SH2D3C: variants seen among roughly 807,000 people sequenced by gnomAD.
The protein encoded by SH2D3C is SH2 domain containing 3C.
SH2D3C carries 25 observed loss-of-function variants against 75.2 expected under a neutral mutation model. The observed-to-expected ratio is 0.33, with a 90% confidence interval of 0.24 to 0.46. The LOEUF (loss-of-function observed/expected upper bound fraction) is 0.46. Among genes scored for constraint, SH2D3C ranks in the 20% least tolerant of loss-of-function variants. SH2D3C has a pLI of 1.00. For missense variants in SH2D3C, 933 were observed against 1,165.3 expected (o/e 0.80, Z 2.90); for synonymous variants, 450 against 473.7 (o/e 0.95, Z 0.65).
At chr9:127,755,526 G>A (rs1046878053) in intron 3 of SH2D3C, among the ~76,000 whole-genome samples, 9 of 152,216 alleles carry the variant, frequency 5.9e-5, no homozygotes, top group African/African-American at 1.9e-4. Flanking sequence ...AGCGAGGGGA[G>A]GTTCTGCCTC....
intron 9 of SH2D3C, 80 bp from the exon 10 acceptor site, chr9:127,740,449 C>A: frequency 1.1e-6 from 1 of 913,032 alleles, no homozygotes. Flanking sequence ...AGTGGACACC[C>A]AGATGTGGGA....
chr9:127,743,079 A>G (rs1302692473), intron 7 of SH2D3C, 115 bp from the exon 8 acceptor site: 1 of 635,938 alleles, frequency 1.6e-6, no homozygotes, highest in Non-Finnish European at 2.7e-6. Flanking sequence ...GCGGGGTTTG[A>G]ATTCCAGCTC....
Position 127,747,170 on chromosome 9 carries a change from G to T in SH2D3C, c.1241C>A (p.Pro414His). 1 of 1,613,992 alleles carries T rather than the reference G, an allele frequency of 6.2e-7. No homozygotes were observed. Among genetic ancestry groups the T allele is most frequent in the Non-Finnish European group, 8.5e-7 (1 of 1,179,958 alleles). Reference sequence around the variant, plus strand: ...ACCAGTGCTGTAGGCAGGGGAGCTAGGGCTCTCGGAGATGGGCGACATGGG... The same window carrying T: ...ACCAGTGCTGTAGGCAGGGGAGCTATGGCTCTCGGAGATGGGCGACATGGG... ...HSPMSPISES[P>H]SSPAYSTVTR... is the part of the protein sequence containing the mutation. Residue 414 changes from proline to histidine, a missense_variant, in exon 6 of 12, where the codon CCT becomes CAT. Physicochemically the swap from Pro to His is moderately conservative, Grantham distance 77 (BLOSUM62 -2). Coordinates refer to ENST00000314830, the MANE Select transcript of SH2D3C (RefSeq NM_170600.3).
intron 9 of SH2D3C, 73 bp downstream of exon 9, chr9:127,741,715 C>T (rs1374043020): frequency 6.6e-7 from 1 of 1,525,748 alleles, no homozygotes; most frequent in Non-Finnish European, 8.8e-7. Context: ...ATTCCATATA[C>T]AGCCATCCCA....
intron 2 of SH2D3C, among the ~76,000 whole-genome samples, chr9:127,772,110 A>G (rs2131809428): frequency 6.6e-6 from 1 of 152,284 alleles, no homozygotes; most frequent in Non-Finnish European, 1.5e-5. Flanking sequence ...GGGTCTAGGC[A>G]ATTACAGCTC....
chr9:127,767,210 AT>A, intron 2 of SH2D3C: 2 of 1,525,426 alleles, frequency 1.3e-6, no homozygotes, highest in Non-Finnish European at 1.8e-6. Context: ...AGCAGGGGCC[AT>A]TCTTCCCAGA....
chr9:127,746,676 G>A (rs936074508), intron 6 of SH2D3C, among the ~76,000 whole-genome samples: 4 of 152,208 alleles, frequency 2.6e-5, no homozygotes, highest in African/African-American at 4.8e-5. Flanking sequence ...GGTGGCACAC[G>A]CCTGTAATCC....
chr9:127,743,198 C>A (rs748448796), intron 7 of SH2D3C, among the ~76,000 whole-genome samples: 18 of 152,286 alleles, frequency 1.2e-4, no homozygotes, highest in Non-Finnish European at 2.5e-4. Context: ...AGGTGCCTGG[C>A]AATTAAATAT....
intron 3 of SH2D3C, chr9:127,755,208 G>A (rs1304405178): frequency 1.7e-6 from 2 of 1,199,626 alleles, no homozygotes; most frequent in East Asian, 6.8e-5. Flanking sequence ...GGCGGTGGCC[G>A]GCGGGGCAGG....
At chr9:127,745,455 C>CTTT (rs1190107937) in intron 6 of SH2D3C, among the ~76,000 whole-genome samples, 24 of 109,554 alleles carry the variant, frequency 2.2e-4, no homozygotes, top group Non-Finnish European at 2.8e-4. Context: ...TAATGATTTC[C>CTTT]TTTTTTTTTT....
At chr9:127,768,704 AGCC>A (rs1845679440) in intron 2 of SH2D3C, among the ~76,000 whole-genome samples, 1 of 152,206 alleles carries the variant, frequency 6.6e-6, no homozygotes, top group African/African-American at 2.4e-5. Context: ...TCAGAGCCAA[AGCC>A]AGGTCCTTGC....
At chr9:127,743,457 C>T (rs1025939463) in intron 7 of SH2D3C, among the ~76,000 whole-genome samples, 1 of 152,160 alleles carries the variant, frequency 6.6e-6, no homozygotes, top group African/African-American at 2.4e-5. Flanking sequence ...GAGCCGATAT[C>T]ACGCCACTGC....
chr9:127,774,307 G>A lies in SH2D3C; in HGVS notation c.198C>T (p.Ala66=). ...TGTACATGTCACTGGAGCGGGCATA[G>A]GCTGGGGGACTCTTGGGCACCGTCA... The part of the protein sequence containing the change: ...DMVTVPKSPP[A]YARSSDMYSH... The change falls in exon 2 of 12, where the codon GCC becomes GCT. Residue 66 remains alanine, a synonymous_variant. Coordinates refer to ENST00000314830, the MANE Select transcript of SH2D3C (RefSeq NM_170600.3). This position sits in a 1 kb window ranked among gnomAD's most constrained non-coding sequence, Gnocchi z 4.3. 6.2e-7 allele frequency: 1 copy of A among 1,614,102 alleles called. No homozygotes were observed. The highest frequency in any genetic ancestry group is 8.5e-7 in the Non-Finnish European group (1 of 1,180,022).
At chr9:127,755,193 G>A (rs532397395) in intron 3 of SH2D3C, 387 of 1,201,174 alleles carry the variant, frequency 3.2e-4, no homozygotes, top group Admixed American at 4.8e-4. Flanking sequence ...GGGACGGTGT[G>A]GGGGGGCGGT....
In SH2D3C at chr9:127,763,077, C is replaced by G. The variant is rs577841896; in HGVS notation, c.516-1427G>C. Among the ~76,000 whole-genome samples, 214 of 152,336 alleles carry G rather than the reference C, an allele frequency of 1.4e-3. 2 individuals are homozygous for G. The highest frequency in any genetic ancestry group is 1.8e-3 in the Non-Finnish European group (120 of 68,038). On this transcript the variant is annotated intron_variant, in intron 2 of 11. Transcript: ENST00000314830. ...CCCCACCCTCCTTGGCAACTTGTTC[C>G]GGCCACAGGGCCTTCGCACTTGCTG...
intron 7 of SH2D3C, among the ~76,000 whole-genome samples, chr9:127,743,788 C>T (rs1204407606): frequency 6.6e-5 from 10 of 152,096 alleles, no homozygotes; most frequent in African/African-American, 2.4e-4. Context: ...GAACTGGGGT[C>T]TTTAGATGTT....
intron 2 of SH2D3C, chr9:127,767,375 G>A (rs990135390): frequency 2.9e-6 from 4 of 1,374,944 alleles, no homozygotes; most frequent in Middle Eastern, 2.7e-4. Flanking sequence ...ACTGAAGCTT[G>A]TAACTTGACC....
intron 2 of SH2D3C, among the ~76,000 whole-genome samples, chr9:127,769,674 G>T (rs1017189554): frequency 1.4e-5 from 2 of 145,976 alleles, no homozygotes; most frequent in South Asian, 4.3e-4. Context: ...AAAAAAAAAA[G>T]AAATAAAGAA....
chr9:127,772,895 G>A (rs1845759120), intron 2 of SH2D3C, among the ~76,000 whole-genome samples: 1 of 150,948 alleles, frequency 6.6e-6, no homozygotes, highest in South Asian at 2.1e-4. Flanking sequence ...GTACAGTGGT[G>A]TGATCTCAGC....
Sources: gnomAD v4.1 joint callset for allele counts (sites outside exome capture counted in the v4.1 genomes callset) on GRCh38, gnomAD v4.1.1 for gene constraint, Gnocchi (gnomAD v3.1) non-coding constraint, MANE v1.5 for transcripts, NCBI Gene and HGNC (gene_info 2026-07-23, HGNC 2026-07-21) for gene names.